RNF220: variants seen among roughly 807,000 people sequenced by gnomAD.
RNF220 encodes the protein E3 ubiquitin-protein ligase RNF220.
RNF220 carries 7 observed loss-of-function variants against 67.1 expected under a neutral mutation model. The ratio of observed to expected loss-of-function variants is 0.10; its 90% CI spans 0.06 to 0.20. RNF220 has a LOEUF of 0.20. RNF220 is among the 10% of genes least tolerant of loss of function. RNF220 has a pLI of 1.00. For synonymous variants in RNF220, 270 were observed against 283.2 expected, an observed-to-expected ratio of 0.95 and a Z score of 0.47; for missense variants, 565 against 740.3, an observed-to-expected ratio of 0.76 and a Z score of 2.75.
intron 2 of RNF220, among the ~76,000 whole-genome samples, chr1:44,561,464 G>A (rs1352717177): frequency 2.0e-5 from 3 of 152,182 alleles, no homozygotes; most frequent in South Asian, 2.1e-4. Context: ...AGCCCAGATC[G>A]CGCCACTGCA....
intron 1 of RNF220, among the ~76,000 whole-genome samples, 165 bp downstream of exon 1, chr1:44,405,695 GTCTTGGATCA>G (rs1351733557): frequency 6.6e-6 from 1 of 152,162 alleles, no homozygotes; most frequent in Non-Finnish European, 1.5e-5. Flanking sequence ...GGACTGGCGC[GTCTTGGATCA>G]TCGCGACGGA....
chr1:44,594,853 C>T (rs1666363164), intron 2 of RNF220, among the ~76,000 whole-genome samples: 1 of 152,168 alleles, frequency 6.6e-6, no homozygotes, highest in Admixed American at 6.5e-5. Flanking sequence ...CAGAGCTTCT[C>T]TAGAAACTGC....
chr1:44,510,649 A>T (rs1658909677), intron 2 of RNF220, among the ~76,000 whole-genome samples: 1 of 152,092 alleles, frequency 6.6e-6, no homozygotes, highest in East Asian at 1.9e-4. Flanking sequence ...ACACTTTCTC[A>T]TAGCATTCTG....
At chr1:44,598,236 C>A (rs1666671183) in intron 2 of RNF220, among the ~76,000 whole-genome samples, 1 of 152,184 alleles carries the variant, frequency 6.6e-6, no homozygotes, top group African/African-American at 2.4e-5. Flanking sequence ...AGCTCCTCCC[C>A]ACCCCTCCCC....
chr1:44,609,210 T>C (rs1016523843), intron 2 of RNF220, among the ~76,000 whole-genome samples: 1 of 152,024 alleles, frequency 6.6e-6, no homozygotes, highest in Non-Finnish European at 1.5e-5. Context: ...ACACACATAC[T>C]CTTAAAAGTC....
At chr1:44,514,762 C>G (rs12732315) in intron 2 of RNF220, among the ~76,000 whole-genome samples, 15,170 of 152,254 alleles carry the variant, frequency 0.1, 802 homozygotes, top group Middle Eastern at 0.14. Flanking sequence ...GTTTTATTCA[C>G]ATGAGCTCAA....
chr1:44,587,223 C>T (rs1204385119), intron 2 of RNF220, among the ~76,000 whole-genome samples: 1 of 149,576 alleles, frequency 6.7e-6, no homozygotes, highest in Non-Finnish European at 1.5e-5. Flanking sequence ...TCTCGGCTCA[C>T]GGCAACCTCT....
intron 2 of RNF220, among the ~76,000 whole-genome samples, chr1:44,533,936 A>G (rs1210019028): frequency 6.6e-6 from 1 of 152,234 alleles, no homozygotes; most frequent in Non-Finnish European, 1.5e-5. Context: ...CCGAAGAAGG[A>G]GGTGGGTGCC....
intron 2 of RNF220, among the ~76,000 whole-genome samples, chr1:44,523,580 A>T (rs80004842): frequency 6.6e-6 from 1 of 152,078 alleles, no homozygotes. Context: ...CCAAAACCTC[A>T]TCTCTTTACA....
rs143870579 is a variant in RNF220 at position 44,435,055 on chromosome 1, A to C, written c.625+22333A>C. ...AAAAAAAAAAAAAGACGAGGAAGGA[A>C]TAATGTCTTAAAGTTTTTGAAATAT... On this transcript the variant is annotated intron_variant, in intron 2 of 14. Transcript: ENST00000361799. Among the ~76,000 whole-genome samples, 477 of 151,996 alleles carry C rather than the reference A, an allele frequency of 3.1e-3. 3 individuals carry two copies. Among genetic ancestry groups the C allele is most frequent in the African/African-American group, 0.011 (455 of 41,478 alleles).
At chr1:44,435,158 A>T (rs893912125) in intron 2 of RNF220, among the ~76,000 whole-genome samples, 1 of 152,232 alleles carries the variant, frequency 6.6e-6, no homozygotes, top group Non-Finnish European at 1.5e-5. Flanking sequence ...GCCTAAAAAA[A>T]CACCAAAAAA....
intron 2 of RNF220, among the ~76,000 whole-genome samples, chr1:44,446,581 A>G (rs1652115843): frequency 2.1e-5 from 3 of 142,348 alleles, no homozygotes; most frequent in South Asian, 4.6e-4. Context: ...TTTTTTTGAG[A>G]TGGAGTCTTG....
chr1:44,517,827 C>T (rs938959635), intron 2 of RNF220, among the ~76,000 whole-genome samples: 62 of 152,222 alleles, frequency 4.1e-4, no homozygotes, highest in African/African-American at 1.4e-3. Context: ...GCCTCTAGGG[C>T]CAGGTACGGT....
At chr1:44,428,583 C>T (rs894148516) in intron 2 of RNF220, among the ~76,000 whole-genome samples, 1 of 152,190 alleles carries the variant, frequency 6.6e-6, no homozygotes, top group Non-Finnish European at 1.5e-5. Flanking sequence ...TGGCTGCTTT[C>T]GCTCCCACTC....
intron 2 of RNF220, among the ~76,000 whole-genome samples, chr1:44,576,221 G>A (rs577732892): frequency 6.6e-6 from 1 of 152,322 alleles, no homozygotes; most frequent in South Asian, 2.1e-4. Flanking sequence ...AGCAGTTTCT[G>A]GGGGATAGTG....
intron 2 of RNF220, among the ~76,000 whole-genome samples, chr1:44,455,805 C>T (rs951916665): frequency 7.4e-4 from 112 of 152,258 alleles, no homozygotes; most frequent in African/African-American, 2.5e-3. Flanking sequence ...GGAATAAACA[C>T]GGGAACTTAG....
rs565324948 is a variant in RNF220 at position 44,453,209 on chromosome 1, A to G, written c.625+40487A>G. ...ATATAGTATTAGTTTTAAATTTTAC[A>G]GTTCTTAGATTTTCTAAGTTGAAAA... On this transcript the variant is annotated intron_variant, in intron 2 of 14. Coordinates refer to ENST00000361799, the MANE Select transcript of RNF220 (RefSeq NM_018150.4). Among the ~76,000 whole-genome samples the G allele has an allele frequency of 2.6e-5, 4 of 152,284 alleles. 1 individual carries two copies. The highest frequency in any genetic ancestry group is 9.6e-5 in the African/African-American group (4 of 41,586).
chr1:44,554,820 G>T (rs1475598162), intron 2 of RNF220, among the ~76,000 whole-genome samples: 1 of 151,904 alleles, frequency 6.6e-6, no homozygotes, highest in Non-Finnish European at 1.5e-5. Flanking sequence ...CTCGTTTTTT[G>T]GTCTCTTCCT....
chr1:44,409,607 T>TA (rs568287912), intron 1 of RNF220, among the ~76,000 whole-genome samples: 192 of 152,270 alleles, frequency 1.3e-3, no homozygotes, highest in African/African-American at 4.2e-3. Flanking sequence ...AGTGCTAAAT[T>TA]AAAAAAAATC....
Sources: allele counts gnomAD v4.1 joint callset (sites outside exome capture counted in the v4.1 genomes callset), GRCh38; gene constraint gnomAD v4.1.1; transcripts MANE v1.5; gene names NCBI Gene and HGNC (gene_info 2026-07-23, HGNC 2026-07-21).